The following EIF2B3 variants were observed in gnomAD, a reference collection of about 807,000 sequenced individuals.
EIF2B3 encodes translation initiation factor eIF2B subunit gamma.
Under a neutral mutation model 54.1 loss-of-function variants are expected in EIF2B3, and 20 were observed. The ratio of observed to expected loss-of-function variants is 0.37; its 90% CI spans 0.26 to 0.54. The LOEUF (loss-of-function observed/expected upper bound fraction) is 0.54. Ranked by LOEUF, EIF2B3 falls within the 20% of genes least tolerant of loss-of-function variation. The pLI is 0.86. For missense variants in EIF2B3, 448 were observed against 547.8 expected (o/e 0.82, Z 1.82); for synonymous variants, 153 against 188.1 (o/e 0.81, Z 1.52).
intron 3 of EIF2B3, among the ~76,000 whole-genome samples, chr1:44,953,637 C>A (rs919428589): frequency 6.6e-6 from 1 of 152,018 alleles, no homozygotes; most frequent in African/African-American, 2.4e-5. Flanking sequence ...ACAAAAAATA[C>A]AAAAATTTAG....
chr1:44,857,870 G>A, intron 10 of EIF2B3, 63 bp from the exon 11 acceptor site: 1 of 1,525,102 alleles, frequency 6.6e-7, no homozygotes, highest in Non-Finnish European at 9.1e-7. Flanking sequence ...CATTACTATT[G>A]GTTGGGGGTT....
chr1:44,901,550 CTTTTTT>C (rs36059931), intron 5 of EIF2B3, among the ~76,000 whole-genome samples: 3 of 111,582 alleles, frequency 2.7e-5, no homozygotes, highest in East Asian at 2.6e-4. Context: ...TGGGCCTGGC[CTTTTTT>C]TTTTTTTTTT....
intron 3 of EIF2B3, among the ~76,000 whole-genome samples, chr1:44,963,357 T>A (rs1644305367): frequency 6.6e-6 from 1 of 151,386 alleles, no homozygotes; most frequent in Non-Finnish European, 1.5e-5. Context: ...GCAACCTCTG[T>A]CTCCCAGGCT....
intron 3 of EIF2B3, among the ~76,000 whole-genome samples, chr1:44,965,851 G>T (rs1017716953): frequency 2.0e-5 from 3 of 151,868 alleles, no homozygotes; most frequent in Non-Finnish European, 4.4e-5. Flanking sequence ...TGTTGGCCAG[G>T]CTGGTCTGGA....
chr1:44,919,276 G>A (rs1643688888), intron 5 of EIF2B3, among the ~76,000 whole-genome samples: 1 of 151,844 alleles, frequency 6.6e-6, no homozygotes, highest in Non-Finnish European at 1.5e-5. Context: ...CTTGAACCCA[G>A]GAGGTGGAGG....
At chr1:44,963,712 G>A (rs1048228845) in intron 3 of EIF2B3, among the ~76,000 whole-genome samples, 1 of 152,078 alleles carries the variant, frequency 6.6e-6, no homozygotes, top group Non-Finnish European at 1.5e-5. Context: ...CCACTACTCG[G>A]GCTGTAATGT....
chr1:44,860,562 C>T (rs200627012), intron 10 of EIF2B3, among the ~76,000 whole-genome samples: 2 of 152,316 alleles, frequency 1.3e-5, no homozygotes, highest in East Asian at 3.9e-4. Flanking sequence ...AAACCATTCA[C>T]TCAAAACCAT....
At chr1:44,908,701 A>G (rs866799939) in intron 5 of EIF2B3, among the ~76,000 whole-genome samples, 29 of 152,182 alleles carry the variant, frequency 1.9e-4, no homozygotes, top group African/African-American at 5.8e-4. Flanking sequence ...GATTTGGGAT[A>G]AAGAGATAGT....
chr1:44,940,612 A>C (rs1321819724), intron 4 of EIF2B3: 1 of 152,404 alleles, frequency 6.6e-6, no homozygotes, highest in African/African-American at 2.4e-5. Flanking sequence ...CTCTACTAAA[A>C]ATACAAAAAT....
intron 11 of EIF2B3, among the ~76,000 whole-genome samples, chr1:44,851,562 A>G (rs1476404962): frequency 6.6e-6 from 1 of 152,178 alleles, no homozygotes; most frequent in Non-Finnish European, 1.5e-5. Flanking sequence ...TAAAGGGTGA[A>G]TAGTTTCTAC....
rs567748069 is a variant in EIF2B3 at position 44,920,892 on chromosome 1, G to T, written c.566+5736C>A. ...CTTCAATATACTGATTTCCTTTCTT[G>T]TGGGTATATACCTAGGAGTGGGATT... is the stretch of plus-strand genomic sequence containing the variant. On this transcript the variant is annotated intron_variant, in intron 5 of 11. Coordinates refer to ENST00000360403, the MANE Select transcript of EIF2B3 (RefSeq NM_020365.5). 2.0e-5 allele frequency among the ~76,000 whole-genome samples: 3 copies of T among 152,200 alleles called. No individual in the cohort carries two copies. The South Asian group carries it at 6.2e-4, about 32-fold the overall frequency.
intron 5 of EIF2B3, among the ~76,000 whole-genome samples, chr1:44,898,163 TTCACAGAAGATGGAGTA>T (rs1339235171): frequency 6.6e-6 from 1 of 152,212 alleles, no homozygotes; most frequent in Non-Finnish European, 1.5e-5. Context: ...ATTCTCCATC[TTCACAGAAGATGGAGTA>T]AAATTCTATG....
intron 3 of EIF2B3, among the ~76,000 whole-genome samples, chr1:44,942,931 C>T (rs1052418206): frequency 2.0e-5 from 3 of 152,160 alleles, no homozygotes; most frequent in East Asian, 1.9e-4. Context: ...TCTCGGCTCA[C>T]GGCAAGCTCC....
At chr1:44,931,220 C>T (rs1196023721) in intron 4 of EIF2B3, among the ~76,000 whole-genome samples, 3 of 152,242 alleles carry the variant, frequency 2.0e-5, no homozygotes, top group South Asian at 4.1e-4. Context: ...AGGGTAGCTT[C>T]TGGCCAACAG....
chr1:44,980,827 A>G (rs563672437), intron 2 of EIF2B3, among the ~76,000 whole-genome samples, 194 bp downstream of exon 2: 11 of 152,126 alleles, frequency 7.2e-5, no homozygotes, highest in Non-Finnish European at 1.5e-4. Context: ...CATCAGCTCC[A>G]TAACAACAAC....
chr1:44,973,729 A>G (rs1054214238), intron 3 of EIF2B3, among the ~76,000 whole-genome samples: 1 of 152,124 alleles, frequency 6.6e-6, no homozygotes, highest in Non-Finnish European at 1.5e-5. Flanking sequence ...CAAATACTCT[A>G]TGATTCCACT....
At chr1:44,953,749 C>T (rs946636358) in intron 3 of EIF2B3, among the ~76,000 whole-genome samples, 8 of 152,184 alleles carry the variant, frequency 5.3e-5, no homozygotes, top group Non-Finnish European at 1.2e-4. Flanking sequence ...GCCATGATCA[C>T]ATCACTGCAC....
chr1:44,977,912 T>TA (rs1644469108), intron 3 of EIF2B3, among the ~76,000 whole-genome samples: 1 of 152,232 alleles, frequency 6.6e-6, no homozygotes, highest in South Asian at 2.1e-4. Flanking sequence ...GTATGTGATG[T>TA]AAAAATATAT....
intron 6 of EIF2B3, among the ~76,000 whole-genome samples, chr1:44,889,927 C>CT (rs749442578): frequency 3.0e-4 from 46 of 152,350 alleles, no homozygotes; most frequent in Non-Finnish European, 5.9e-4. Flanking sequence ...GGAAAAAACT[C>CT]TGTTTTCCTC....
Sources: allele counts gnomAD v4.1 joint callset (sites outside exome capture counted in the v4.1 genomes callset), GRCh38; gene constraint gnomAD v4.1.1; transcripts MANE v1.5; gene names NCBI Gene and HGNC (gene_info 2026-07-23, HGNC 2026-07-21).